Variants in SLC25A13 observed in about 807,000 individuals in gnomAD.
The protein encoded by SLC25A13 is electrogenic aspartate/glutamate antiporter SLC25A13, mitochondrial.
In SLC25A13, 70 loss-of-function variants were observed where a neutral mutation model predicts 85.5. The observed-to-expected ratio is 0.82, with a 90% CI of 0.68 to 1.00. SLC25A13 has a LOEUF of 1.00. Among genes scored for constraint, SLC25A13 ranks in the 50% least tolerant of loss-of-function variants. The pLI, the probability that SLC25A13 is intolerant of heterozygous loss-of-function variation, is 0.00. For synonymous variants in SLC25A13, 259 were observed against 288.7 expected (o/e 0.90, Z 1.04); for missense variants, 765 against 819.8 (o/e 0.93, Z 0.82).
intron 4 of SLC25A13, chr7:96,219,788 T>C (rs573913912): frequency 4.1e-5 from 22 of 530,740 alleles, no homozygotes; most frequent in South Asian, 3.1e-4. Flanking sequence ...GACAGATCTA[T>C]CAATTCTCAA....
chr7:96,229,084 G>A (rs1405678510), intron 4 of SLC25A13, among the ~76,000 whole-genome samples: 1 of 152,236 alleles, frequency 6.6e-6, no homozygotes, highest in Non-Finnish European at 1.5e-5. Context: ...CCCAAGGGCT[G>A]AGGAGTGCAG....
chr7:96,292,129 G>A (rs1001680385), intron 2 of SLC25A13, among the ~76,000 whole-genome samples: 15 of 152,206 alleles, frequency 9.9e-5, no homozygotes, highest in East Asian at 5.8e-4. Flanking sequence ...TTCAACATAC[G>A]CAAATCAATA....
intron 11 of SLC25A13, among the ~76,000 whole-genome samples, chr7:96,180,576 G>C (rs563828053): frequency 6.6e-6 from 1 of 152,096 alleles, no homozygotes; most frequent in African/African-American, 2.4e-5. Flanking sequence ...TGATCCACCC[G>C]CCTCGGTCTC....
intron 3 of SLC25A13, among the ~76,000 whole-genome samples, chr7:96,253,540 A>G (rs1265959467): frequency 6.6e-6 from 1 of 152,210 alleles, no homozygotes; most frequent in Non-Finnish European, 1.5e-5. Context: ...TTTGACTGCT[A>G]TCAGTGATCC....
At chr7:96,160,895 G>C (rs1276925777) in intron 13 of SLC25A13, among the ~76,000 whole-genome samples, 1 of 151,996 alleles carries the variant, frequency 6.6e-6, no homozygotes, top group Non-Finnish European at 1.5e-5. Context: ...ATTGCCTGGA[G>C]GACTTTTTGA....
chr7:96,277,613 C>T (rs988850252), intron 2 of SLC25A13, among the ~76,000 whole-genome samples: 2 of 152,100 alleles, frequency 1.3e-5, no homozygotes, highest in African/African-American at 4.8e-5. Context: ...AGGAAGGGTG[C>T]TACTGGCTCC....
chr7:96,240,395 C>T (rs925613900), intron 3 of SLC25A13, among the ~76,000 whole-genome samples: 2 of 152,082 alleles, frequency 1.3e-5, no homozygotes, highest in Non-Finnish European at 2.9e-5. Flanking sequence ...GGAGGAGAGT[C>T]CACCAGCTGC....
At chr7:96,226,252 A>G (rs201205828) in intron 4 of SLC25A13, among the ~76,000 whole-genome samples, 2 of 152,154 alleles carry the variant, frequency 1.3e-5, no homozygotes, top group Non-Finnish European at 1.5e-5. Context: ...GGTGTCTCAT[A>G]TAAGTAGAAT....
intron 4 of SLC25A13, among the ~76,000 whole-genome samples, chr7:96,215,971 A>C (rs1158916272): frequency 6.6e-6 from 1 of 152,038 alleles, no homozygotes; most frequent in African/African-American, 2.4e-5. Flanking sequence ...CCTGGGCAAC[A>C]TGGCAAAACC....
chr7:96,235,836 A>G (rs768937734), intron 3 of SLC25A13, among the ~76,000 whole-genome samples: 14 of 152,230 alleles, frequency 9.2e-5, no homozygotes, highest in Non-Finnish European at 1.6e-4. Context: ...TGTGGGTCAA[A>G]TCTAAGCTTT....
chr7:96,152,356 C>G (rs781397360), intron 13 of SLC25A13, among the ~76,000 whole-genome samples: 1 of 152,030 alleles, frequency 6.6e-6, no homozygotes. Context: ...AGGGCTCATC[C>G]GGGAGGCAGA....
chr7:96,296,383 G>T (rs941754259), intron 2 of SLC25A13, among the ~76,000 whole-genome samples: 5 of 151,810 alleles, frequency 3.3e-5, no homozygotes, highest in Non-Finnish European at 4.4e-5. Context: ...TGAGATAAAA[G>T]AAATTAAAAT....
chr7:96,306,609 T>C (rs886319930), intron 1 of SLC25A13, among the ~76,000 whole-genome samples: 2 of 152,160 alleles, frequency 1.3e-5, no homozygotes, highest in Non-Finnish European at 2.9e-5. Context: ...TTCTGACCTC[T>C]TGGGCAACTG....
At chr7:96,237,977 T>C (rs1796806527) in intron 3 of SLC25A13, among the ~76,000 whole-genome samples, 1 of 152,014 alleles carries the variant, frequency 6.6e-6, no homozygotes, top group Non-Finnish European at 1.5e-5. Flanking sequence ...AGAGACCCAA[T>C]GGACTCAAGA....
intron 2 of SLC25A13, chr7:96,283,819 TA>T (rs1224658803): frequency 2.3e-3 from 185 of 80,942 alleles, no homozygotes; most frequent in East Asian, 9.5e-3. Flanking sequence ...AATAGGTGTT[TA>T]AAAAAAAAAA....
chr7:96,288,457 G>A (rs763545921), intron 2 of SLC25A13, among the ~76,000 whole-genome samples: 140 of 152,284 alleles, frequency 9.2e-4, no homozygotes, highest in Non-Finnish European at 9.7e-4. Context: ...AGTGTGAGCC[G>A]AAGCAGGGCG....
At chr7:96,163,950 G>A (rs1342487661) in intron 13 of SLC25A13, among the ~76,000 whole-genome samples, 2 of 152,112 alleles carry the variant, frequency 1.3e-5, no homozygotes, top group African/African-American at 4.8e-5. Flanking sequence ...CAGAAGAGGA[G>A]GAAGACTAGT....
At chr7:96,241,037 G>GGAAGGAAA (rs1554363752) in intron 3 of SLC25A13, among the ~76,000 whole-genome samples, 1 of 80,614 alleles carries the variant, frequency 1.2e-5, no homozygotes, top group African/African-American at 5.0e-5. Context: ...AAGAAAGAAA[G>GGAAGGAAA]GAAAGAAAGA....
intron 4 of SLC25A13, among the ~76,000 whole-genome samples, chr7:96,227,967 C>T (rs1277152947): frequency 1.3e-5 from 2 of 152,046 alleles, no homozygotes; most frequent in Admixed American, 6.5e-5. Context: ...TGGGTTCAAG[C>T]GATTCTCCTG....
Sources: allele counts gnomAD v4.1 joint callset (sites outside exome capture counted in the v4.1 genomes callset), GRCh38; gene constraint gnomAD v4.1.1; transcripts MANE v1.5; gene names NCBI Gene and HGNC (gene_info 2026-07-23, HGNC 2026-07-21).